GPATCH2L: variants seen among roughly 807,000 people sequenced by gnomAD.
GPATCH2L encodes the protein G-patch domain containing 2 like, also known as G patch domain-containing protein 2-like.
Under a neutral mutation model 57.4 loss-of-function variants are expected in GPATCH2L, and 31 were observed. That is an observed-to-expected ratio of 0.54 (90% CI 0.41 to 0.73). GPATCH2L has a LOEUF of 0.73. Ranked by LOEUF, GPATCH2L falls within the 30% of genes least tolerant of loss-of-function variation. GPATCH2L has a pLI of 0.00. For synonymous variants in GPATCH2L, 199 were observed against 210.7 expected (o/e 0.94, Z 0.48); for missense variants, 481 against 599.9 (o/e 0.80, Z 2.07).
intron 1 of GPATCH2L, among the ~76,000 whole-genome samples, chr14:76,228,433 C>G (rs1301383312): frequency 6.6e-6 from 1 of 152,194 alleles, no homozygotes; most frequent in Non-Finnish European, 1.5e-5. Context: ...TTACCTCTTG[C>G]TCTGAACTTG....
At position 76,154,616 on chromosome 14, in the gene GPATCH2L, T is replaced by G; in HGVS notation, c.253T>G (p.Phe85Val). 6.2e-7 allele frequency: 1 copy of G among 1,614,182 alleles called. No individual in the cohort carries two copies. Among genetic ancestry groups the G allele is most frequent in the Non-Finnish European group, 8.5e-7 (1 of 1,180,036 alleles). The change falls in exon 2 of 10, where the codon TTT (phenylalanine) becomes GTT (valine). Residue 85 changes from phenylalanine (F) to valine (V), a missense_variant. Around this residue, in one of 3 missense-constraint regions of GPATCH2L, gnomAD observed 208 missense variants for 272.4 expected, o/e 0.76. Coordinates refer to ENST00000261530, the MANE Select transcript of GPATCH2L (RefSeq NM_017926.4). The surrounding 1 kb of genome is among the most constrained non-coding windows in gnomAD (Gnocchi z 4.4). ...DCREVAPVTNFSDSDDTMVAK... is the reference protein window; with the variant it reads ...DCREVAPVTNVSDSDDTMVAK... Reference sequence around the variant, plus strand: ...TCGAGAAGTGGCTCCGGTGACCAATTTTAGTGACTCTGATGACACAATGGT... The same window carrying G: ...TCGAGAAGTGGCTCCGGTGACCAATGTTAGTGACTCTGATGACACAATGGT...
chr14:76,164,734 A>G (rs1288473877), intron 2 of GPATCH2L, among the ~76,000 whole-genome samples: 1 of 152,250 alleles, frequency 6.6e-6, no homozygotes, highest in African/African-American at 2.4e-5. Context: ...CATCTTCAGA[A>G]CTTGGAAAGA....
At chr14:76,223,162 C>A (rs1315823312) in intron 1 of GPATCH2L, among the ~76,000 whole-genome samples, 1 of 151,930 alleles carries the variant, frequency 6.6e-6, no homozygotes, top group Non-Finnish European at 1.5e-5. Flanking sequence ...ATTTTAATAC[C>A]AAAGGGTGGC....
chr14:76,156,644 A>G (rs2038320243), intron 2 of GPATCH2L, among the ~76,000 whole-genome samples: 2 of 152,252 alleles, frequency 1.3e-5, no homozygotes, highest in Non-Finnish European at 2.9e-5. Context: ...TTGTTTTAAT[A>G]TTGAGCATAT....
intron 2 of GPATCH2L, among the ~76,000 whole-genome samples, chr14:76,165,441 G>A (rs1445866022): frequency 2.0e-5 from 3 of 149,516 alleles, no homozygotes; most frequent in Non-Finnish European, 3.0e-5. Flanking sequence ...ATAGTGAGCC[G>A]AGATCGCACC....
At position 76,173,617 on chromosome 14, in the gene GPATCH2L, G is replaced by A. The variant is rs1301839412; in HGVS notation, c.976G>A (p.Val326Ile). ...CCTCAGAAAGGGGCGAAGAAGGCTGGTTGGGAAGGTGATACCTCTCACAGT... is the reference window on the plus strand; with the variant it reads ...CCTCAGAAAGGGGCGAAGAAGGCTGATTGGGAAGGTGATACCTCTCACAGT... ...RCLRKGRRRLVGKETSINTLG... is the reference protein window; with the variant it reads ...RCLRKGRRRLIGKETSINTLG... Residue 326 changes from valine to isoleucine, a missense_variant, in exon 5 of 10, where the codon GTT becomes ATT. Around this residue, in one of 3 missense-constraint regions of GPATCH2L, gnomAD observed 248 missense variants for 270.5 expected, o/e 0.92. Coordinates refer to ENST00000261530, the MANE Select transcript of GPATCH2L (RefSeq NM_017926.4). 3.1e-6 allele frequency: 5 copies of A among 1,602,152 alleles called. No individual in the cohort carries two copies. Among genetic ancestry groups the A allele is most frequent in the African/African-American group, 1.3e-5 (1 of 74,850 alleles).
downstream of GPATCH2L, among the ~76,000 whole-genome samples, chr14:76,216,770 G>C (rs528052841): frequency 1.3e-5 from 2 of 152,244 alleles, no homozygotes. Context: ...AGGAGGGCTA[G>C]TCCCACTACA....
chr14:76,216,542 A>G (rs2040490627), downstream of GPATCH2L, among the ~76,000 whole-genome samples: 1 of 152,228 alleles, frequency 6.6e-6, no homozygotes, highest in African/African-American at 2.4e-5. Flanking sequence ...AAACTCATTC[A>G]GGGGAAATAG....
At position 76,203,634 on chromosome 14, in the gene GPATCH2L, A is replaced by T. The variant is rs185953769; in HGVS notation, c.*1783A>T. 211 of 152,484 alleles carry T rather than the reference A, an allele frequency of 1.4e-3. 4 individuals carry two copies. The highest frequency in any genetic ancestry group is 4.3e-4 in the Non-Finnish European group (29 of 68,140). 9.4% of individuals were successfully genotyped at this position (152,484 alleles called of 1,614,324 possible). On this transcript the variant is annotated 3_prime_UTR_variant, in exon 10 of 10. Transcript: ENST00000261530. ...GAGTCACCCCTGGCTCTCATGCAGCAGTGTGTGTGCTTACAGGGACTTCCC... is the reference window on the plus strand; with the variant it reads ...GAGTCACCCCTGGCTCTCATGCAGCTGTGTGTGTGCTTACAGGGACTTCCC...
rs1291927445 is a variant in GPATCH2L at position 76,206,159 on chromosome 14, C to T, written c.*4308C>T. 1 of 152,256 alleles carries T rather than the reference C, an allele frequency of 6.6e-6. No individual in the cohort carries two copies. The highest frequency in any genetic ancestry group is 1.5e-5 in the Non-Finnish European group (1 of 68,074). 9.4% of individuals were successfully genotyped at this position (152,256 alleles called of 1,614,324 possible). ...TGTCAGTATTTCCTGATCTCCCACT[C>T]CTGTTGTGAAAGGTCACAGAGTTAC... is the stretch of plus-strand genomic sequence containing the variant. On this transcript the variant is annotated 3_prime_UTR_variant, in exon 10 of 10. Transcript: ENST00000261530.
intron 6 of GPATCH2L, 53 bp downstream of exon 6, chr14:76,176,743 G>A (rs2039345572): frequency 3.4e-6 from 4 of 1,187,242 alleles, no homozygotes; most frequent in Non-Finnish European, 5.1e-6. Context: ...GGAGGAGGAG[G>A]CAGAGGGGAG....
At chr14:76,168,968 C>T (rs1275157104) in intron 3 of GPATCH2L, among the ~76,000 whole-genome samples, 1 of 152,206 alleles carries the variant, frequency 6.6e-6, no homozygotes, top group Non-Finnish European at 1.5e-5. Context: ...AACCACAGTT[C>T]TTTGGGTTCT....
chr14:76,224,781 A>G (rs1330454372), intron 1 of GPATCH2L, among the ~76,000 whole-genome samples: 2 of 152,198 alleles, frequency 1.3e-5, no homozygotes, highest in South Asian at 2.1e-4. Flanking sequence ...TATTAGAAAT[A>G]AGTAAATTTG....
intron 2 of GPATCH2L, among the ~76,000 whole-genome samples, chr14:76,157,903 C>T (rs1412808084): frequency 1.3e-5 from 2 of 151,992 alleles, no homozygotes; most frequent in African/African-American, 4.8e-5. Flanking sequence ...TTTTTTTCTG[C>T]TTGCATAGAG....
chr14:76,184,090 A>G (rs1001699255), intron 8 of GPATCH2L, among the ~76,000 whole-genome samples: 3 of 150,938 alleles, frequency 2.0e-5, no homozygotes, highest in Non-Finnish European at 4.4e-5. Flanking sequence ...CATTAGTGGT[A>G]TAATTTTATT....
chr14:76,214,850 T>C (rs992002944), downstream of GPATCH2L, among the ~76,000 whole-genome samples: 1 of 152,188 alleles, frequency 6.6e-6, no homozygotes, highest in Non-Finnish European at 1.5e-5. Context: ...CCTAAAACCA[T>C]GAAATGCATG....
chr14:76,221,408 A>G (rs1374303964), intron 1 of GPATCH2L, among the ~76,000 whole-genome samples: 1 of 152,206 alleles, frequency 6.6e-6, no homozygotes, highest in Non-Finnish European at 1.5e-5. Context: ...GGGCATGAAA[A>G]ATGGCACAGC....
chr14:76,228,623 C>T (rs989810213), intron 1 of GPATCH2L, among the ~76,000 whole-genome samples: 1 of 152,164 alleles, frequency 6.6e-6, no homozygotes, highest in African/African-American at 2.4e-5. Flanking sequence ...TCAGCACAGC[C>T]CGTAGACTGT....
At chr14:76,165,629 G>A (rs2038798775) in intron 2 of GPATCH2L, among the ~76,000 whole-genome samples, 1 of 151,620 alleles carries the variant, frequency 6.6e-6, no homozygotes, top group Admixed American at 6.6e-5. Flanking sequence ...GACTATTTCT[G>A]TGACAGATCT....
Sources: gnomAD v4.1 joint callset for allele counts (sites outside exome capture counted in the v4.1 genomes callset) on GRCh38, gnomAD v4.1.1 for gene constraint, gnomAD v4.1.1 regional missense constraint, Gnocchi (gnomAD v3.1) non-coding constraint, MANE v1.5 for transcripts, NCBI Gene and HGNC (gene_info 2026-07-23, HGNC 2026-07-21) for gene names.